WWOX: variants seen among roughly 807,000 people sequenced by gnomAD.
WWOX encodes the protein WW domain containing oxidoreductase, also known as WW domain-containing oxidoreductase.
A neutral mutation model predicts 46.2 loss-of-function variants in WWOX; 69 were observed. The observed-to-expected ratio is 1.49, with a 90% CI of 1.23 to 1.82. The LOEUF (loss-of-function observed/expected upper bound fraction) is 1.82, where lower values mean the gene tolerates loss of function less well. Ranked by LOEUF, WWOX falls within the 40% of genes most tolerant of loss-of-function variation. The pLI, the probability that WWOX is intolerant of heterozygous loss-of-function variation, is 0.00. For missense variants in WWOX, 919 were observed against 542.6 expected (o/e 1.69, Z -6.89); for synonymous variants, 359 against 202.6 (o/e 1.77, Z -6.56).
At chr16:78,806,198 A>C (rs1278907893) in intron 8 of WWOX, among the ~76,000 whole-genome samples, 1 of 152,130 alleles carries the variant, frequency 6.6e-6, no homozygotes, top group Non-Finnish European at 1.5e-5. Flanking sequence ...GTGTTTTTCT[A>C]CAACCAAGAC....
chr16:78,527,392 C>A lies in WWOX; in HGVS notation c.1056+94640C>A, dbSNP rs775803490. ...CACTGCCACCTCTGCCTCCTGTAAT[C>A]AAGAGATTTTCCTGCCTTGGGCCCC... On this transcript the variant is annotated intron_variant, in intron 8 of 8. Transcript: ENST00000566780. Among the ~76,000 whole-genome samples, 4 of 150,102 alleles carry A rather than the reference C, an allele frequency of 2.7e-5. No homozygotes were observed. The Admixed American group carries it at 2.7e-4, about 10-fold the overall frequency.
intron 8 of WWOX, among the ~76,000 whole-genome samples, chr16:78,775,060 C>G (rs921506080): frequency 6.6e-6 from 1 of 152,070 alleles, no homozygotes; most frequent in Non-Finnish European, 1.5e-5. Flanking sequence ...GGGTGGGGAG[C>G]CATCTCAGGC....
chr16:78,975,289 C>G (rs543358035), intron 8 of WWOX, among the ~76,000 whole-genome samples: 9 of 152,080 alleles, frequency 5.9e-5, no homozygotes, highest in Non-Finnish European at 8.8e-5. Context: ...TTTTGATTGT[C>G]ATAACTTAGG....
At chr16:78,886,117 G>A (rs1240581564) in intron 8 of WWOX, among the ~76,000 whole-genome samples, 1 of 151,648 alleles carries the variant, frequency 6.6e-6, no homozygotes, top group African/African-American at 2.4e-5. Flanking sequence ...TAGAGACGGG[G>A]TGTCACCATG....
chr16:78,673,398 T>A (rs1023516286), intron 8 of WWOX, among the ~76,000 whole-genome samples: 1 of 152,164 alleles, frequency 6.6e-6, no homozygotes, highest in Admixed American at 6.5e-5. Flanking sequence ...AGCCCAGTTA[T>A]CTTAGCCAAC....
chr16:78,127,537 G>C (rs923590708), intron 4 of WWOX, among the ~76,000 whole-genome samples: 2 of 143,180 alleles, frequency 1.4e-5, no homozygotes, highest in African/African-American at 5.3e-5. Flanking sequence ...AAACCACCGA[G>C]ACGAGGTTAT....
At chr16:78,503,340 A>C (rs1342478409) in intron 8 of WWOX, among the ~76,000 whole-genome samples, 1 of 152,150 alleles carries the variant, frequency 6.6e-6, no homozygotes, top group African/African-American at 2.4e-5. Context: ...GTACCTTCCA[A>C]CTGTTCCACT....
intron 8 of WWOX, among the ~76,000 whole-genome samples, chr16:78,867,910 G>C (rs1402955180): frequency 6.6e-6 from 1 of 152,168 alleles, no homozygotes; most frequent in Non-Finnish European, 1.5e-5. Flanking sequence ...AAATGTGGAA[G>C]AACTAGAACT....
intron 8 of WWOX, among the ~76,000 whole-genome samples, chr16:78,438,478 G>C (rs1429215712): frequency 6.6e-6 from 1 of 151,078 alleles, no homozygotes; most frequent in Non-Finnish European, 1.5e-5. Context: ...TTCCACATAA[G>C]CTTTCATTTC....
At chr16:78,346,143 C>G (rs1349310078) in intron 5 of WWOX, among the ~76,000 whole-genome samples, 1 of 121,080 alleles carries the variant, frequency 8.3e-6, no homozygotes, top group East Asian at 1.9e-4. Context: ...TGTTCTGCAT[C>G]TGGTTTCTTT....
chr16:78,534,399 C>T (rs1265966632), intron 8 of WWOX: 3 of 152,216 alleles, frequency 2.0e-5, no homozygotes, highest in Non-Finnish European at 2.9e-5. Context: ...AAACAACCAA[C>T]TGAAAACCAT....
intron 8 of WWOX, among the ~76,000 whole-genome samples, chr16:78,533,876 C>A (rs1325810798): frequency 6.6e-6 from 1 of 152,074 alleles, no homozygotes; most frequent in African/African-American, 2.4e-5. Context: ...CTCTGTGAGC[C>A]CTTTGAGGAT....
intron 8 of WWOX, chr16:78,825,952 GA>G: frequency 2.5e-6 from 2 of 791,926 alleles, no homozygotes; most frequent in South Asian, 2.2e-5. Flanking sequence ...TCTCAGAACA[GA>G]AGGGTGGGAA....
intron 8 of WWOX, among the ~76,000 whole-genome samples, chr16:79,185,596 G>A (rs531927935): frequency 7.9e-5 from 12 of 152,262 alleles, no homozygotes; most frequent in South Asian, 4.1e-4. Flanking sequence ...AGACAGGCGC[G>A]TCTGTCTTTC....
chr16:79,002,487 T>C (rs1203306788), intron 8 of WWOX, among the ~76,000 whole-genome samples: 1 of 152,152 alleles, frequency 6.6e-6, no homozygotes, highest in Non-Finnish European at 1.5e-5. Context: ...CCTCCCAAAG[T>C]GCTGGGATTA....
intron 8 of WWOX, among the ~76,000 whole-genome samples, chr16:78,739,616 G>C (rs753484081): frequency 5.3e-5 from 8 of 152,114 alleles, no homozygotes; most frequent in Non-Finnish European, 1.2e-4. Flanking sequence ...TTCAAGACCA[G>C]CCTGGCTAAC....
At chr16:78,316,745 A>C (rs760651135) in intron 5 of WWOX, among the ~76,000 whole-genome samples, 1 of 152,180 alleles carries the variant, frequency 6.6e-6, no homozygotes, top group Non-Finnish European at 1.5e-5. Context: ...GTTACTGGAA[A>C]ATGGTGATGG....
chr16:79,081,146 G>A (rs2048753119), intron 8 of WWOX, among the ~76,000 whole-genome samples: 1 of 152,114 alleles, frequency 6.6e-6, no homozygotes, highest in African/African-American at 2.4e-5. Context: ...ATCCAGTGGA[G>A]TGTGGGGTGC....
At chr16:78,729,897 T>G (rs16948382) in intron 8 of WWOX, among the ~76,000 whole-genome samples, 8,053 of 152,164 alleles carry the variant, frequency 0.053, 375 homozygotes, top group African/African-American at 0.12. Context: ...CTATTTAGAT[T>G]TAAACAAGAC....
Sources: allele counts gnomAD v4.1 joint callset (sites outside exome capture counted in the v4.1 genomes callset), GRCh38; gene constraint gnomAD v4.1.1; transcripts MANE v1.5; gene names NCBI Gene and HGNC (gene_info 2026-07-23, HGNC 2026-07-21).